The following MCF2L2 variants were observed in gnomAD, a reference collection of about 807,000 sequenced individuals.
MCF2L2 encodes the protein probable guanine nucleotide exchange factor MCF2L2.
In MCF2L2, 102 loss-of-function variants were observed where a neutral mutation model predicts 150.2. The ratio of observed to expected loss-of-function variants is 0.68; its 90% CI spans 0.58 to 0.80. MCF2L2 has a LOEUF of 0.80. Among genes scored for constraint, MCF2L2 ranks in the 30% least tolerant of loss-of-function variants. The pLI is 0.00. For missense variants in MCF2L2, 1,256 were observed against 1,372.8 expected, an observed-to-expected ratio of 0.91 and a Z score of 1.34; for synonymous variants, 465 against 491.3, an observed-to-expected ratio of 0.95 and a Z score of 0.71.
At position 183,321,670 on chromosome 3, in the gene MCF2L2, C is replaced by T. The variant is rs571767711; in HGVS notation, c.603+1565G>A. Among the ~76,000 whole-genome samples, 8 of 152,192 alleles carry T rather than the reference C, an allele frequency of 5.3e-5. No homozygotes were observed. The East Asian group carries it at 5.8e-4, about 11-fold the overall frequency. ...ATGTGAAGCATAATAAAATGAAACA[C>T]GACTGTATGTGTGTGTATAAAAAAT... On this transcript the variant is annotated intron_variant, in intron 6 of 29. Coordinates refer to ENST00000328913, the MANE Select transcript of MCF2L2 (RefSeq NM_015078.4).
Position 183,371,957 on chromosome 3 carries a change from T to C in MCF2L2, c.275+7340A>G, listed in dbSNP as rs141069954. The C allele has an allele frequency of 7.9e-5, 12 of 152,006 alleles. No individual in the cohort carries two copies. The East Asian group carries it at 2.3e-3, about 29-fold the overall frequency. 9.4% of individuals were successfully genotyped at this position (152,006 alleles called of 1,614,324 possible). Reference sequence around the variant, plus strand: ...CTGTCCGTCTTTTTTCCACGAGGAATTCCTTGTGGGCAAATTGTGAGGGAG... The same window carrying C: ...CTGTCCGTCTTTTTTCCACGAGGAACTCCTTGTGGGCAAATTGTGAGGGAG... On this transcript the variant is annotated intron_variant, in intron 3 of 29. Transcript: ENST00000328913.
chr3:183,382,129 G>A (rs750186526), intron 2 of MCF2L2, among the ~76,000 whole-genome samples: 28 of 151,866 alleles, frequency 1.8e-4, no homozygotes, highest in South Asian at 2.1e-4. Context: ...TGTGATCTCC[G>A]CTCACTGCAA....
In MCF2L2 at chr3:183,267,116, C is replaced by T. The variant is rs1239782739; in HGVS notation, c.1862+9756G>A. Among the ~76,000 whole-genome samples the T allele has an allele frequency of 1.3e-5, 2 of 152,154 alleles. No homozygotes were observed. Among genetic ancestry groups the T allele is most frequent in the African/African-American group, 4.8e-5 (2 of 41,434 alleles). ...CCTTTGTGATATTAAAGCACAGCAACACATTTCCCATTACACCCCTGAACA... is the reference window on the plus strand; with the variant it reads ...CCTTTGTGATATTAAAGCACAGCAATACATTTCCCATTACACCCCTGAACA... On this transcript the variant is annotated intron_variant, in intron 15 of 29. Coordinates refer to ENST00000328913, the MANE Select transcript of MCF2L2 (RefSeq NM_015078.4). This position sits in a 1 kb window ranked among gnomAD's most constrained non-coding sequence, Gnocchi z 5.5.
In MCF2L2 at chr3:183,291,867, C is replaced by G. The variant is rs1728167005; in HGVS notation, c.1676-2647G>C. Among the ~76,000 whole-genome samples the G allele has an allele frequency of 2.0e-5, 3 of 152,320 alleles. No individual in the cohort carries two copies. The South Asian group carries it at 6.2e-4, about 32-fold the overall frequency. On this transcript the variant is annotated intron_variant, in intron 13 of 29. Coordinates refer to ENST00000328913, the MANE Select transcript of MCF2L2 (RefSeq NM_015078.4). The stretch of plus-strand genomic sequence containing the variant: ...ATCTTGTATTTGAAAAGCTGAGAAA[C>G]AACCCTGTAATTCCTGCTTTATTTA...
intron 3 of MCF2L2, among the ~76,000 whole-genome samples, chr3:183,353,074 AG>A (rs1711571813): frequency 6.6e-6 from 1 of 152,230 alleles, no homozygotes; most frequent in African/African-American, 2.4e-5. Context: ...GCTGGGTGAT[AG>A]AAACATAGGT....
At chr3:183,239,996 G>C (rs1370564377) in intron 15 of MCF2L2, among the ~76,000 whole-genome samples, 1 of 152,152 alleles carries the variant, frequency 6.6e-6, no homozygotes, top group Non-Finnish European at 1.5e-5. Flanking sequence ...CTAAAACACA[G>C]GTGTTGTTTC....
intron 7 of MCF2L2, among the ~76,000 whole-genome samples, chr3:183,312,110 A>C (rs1389931818): frequency 6.6e-6 from 1 of 152,216 alleles, no homozygotes; most frequent in Non-Finnish European, 1.5e-5. Context: ...GACCAGAAAC[A>C]AGAAAATGAT....
chr3:183,372,021 T>G (rs1472371645), intron 3 of MCF2L2: 2 of 126,876 alleles, frequency 1.6e-5, no homozygotes, highest in Admixed American at 1.4e-4. Context: ...GTATATCGTT[T>G]TTTTTTTTTT....
chr3:183,314,265 G>C (rs751556286), intron 7 of MCF2L2, among the ~76,000 whole-genome samples: 3 of 152,168 alleles, frequency 2.0e-5, no homozygotes, highest in Non-Finnish European at 4.4e-5. Context: ...AGCTCAGGCT[G>C]GGGGAAAGAA....
At chr3:183,213,776 A>G (rs1030283202) in intron 22 of MCF2L2, among the ~76,000 whole-genome samples, 4 of 152,200 alleles carry the variant, frequency 2.6e-5, no homozygotes, top group Non-Finnish European at 4.4e-5. Context: ...TCTTCTTTCC[A>G]TGGATCTTCT....
At chr3:183,337,684 C>A (rs1730542294) in intron 5 of MCF2L2, among the ~76,000 whole-genome samples, 1 of 152,120 alleles carries the variant, frequency 6.6e-6, no homozygotes, top group African/African-American at 2.4e-5. Flanking sequence ...AACCAGTCCC[C>A]TATTGTCAAG....
chr3:183,257,427 T>A (rs975571596), intron 15 of MCF2L2, among the ~76,000 whole-genome samples: 1 of 152,226 alleles, frequency 6.6e-6, no homozygotes, highest in South Asian at 2.1e-4. Context: ...ATCCTGCCCA[T>A]GGCCTACTAC....
intron 15 of MCF2L2, among the ~76,000 whole-genome samples, chr3:183,255,472 C>T (rs1235995482): frequency 6.6e-6 from 1 of 152,200 alleles, no homozygotes; most frequent in Non-Finnish European, 1.5e-5. Flanking sequence ...TCCTTATCCT[C>T]CCGCACACGC....
intron 3 of MCF2L2, chr3:183,376,628 G>A (rs1000203548): frequency 6.6e-6 from 1 of 152,194 alleles, no homozygotes. Context: ...ATTGTCTTAG[G>A]GTCCTGGCTG....
At chr3:183,285,979 G>A (rs1418040085) in intron 14 of MCF2L2, among the ~76,000 whole-genome samples, 2 of 152,132 alleles carry the variant, frequency 1.3e-5, no homozygotes, top group Non-Finnish European at 2.9e-5. Context: ...CATCACTATT[G>A]CCAACAAGCA....
At chr3:183,349,981 G>C (rs536733238) in intron 3 of MCF2L2, among the ~76,000 whole-genome samples, 1 of 152,156 alleles carries the variant, frequency 6.6e-6, no homozygotes. Flanking sequence ...ATATTAGATC[G>C]TTTATAAACA....
At chr3:183,316,716 GT>G (rs1250246900) in intron 7 of MCF2L2, among the ~76,000 whole-genome samples, 2 of 147,056 alleles carry the variant, frequency 1.4e-5, no homozygotes, top group Non-Finnish European at 3.0e-5. Flanking sequence ...TGTTGTTTTT[GT>G]TGTTTTGAGA....
intron 20 of MCF2L2, 33 bp from the exon 21 acceptor site, chr3:183,219,957 A>AAATCTACATTTTGATGGC: frequency 6.8e-7 from 1 of 1,480,684 alleles, no homozygotes; most frequent in Non-Finnish European, 9.4e-7. Flanking sequence ...TTGAAAATTA[A>AAATCTACATTTTGATGGC]AATGTACATT....
chr3:183,361,477 A>G (rs902848605), intron 3 of MCF2L2, among the ~76,000 whole-genome samples: 1 of 152,096 alleles, frequency 6.6e-6, no homozygotes, highest in African/African-American at 2.4e-5. Context: ...AGTTCTCATG[A>G]GATCTGATGG....
Sources: gnomAD v4.1 joint callset for allele counts (sites outside exome capture counted in the v4.1 genomes callset) on GRCh38, gnomAD v4.1.1 for gene constraint, Gnocchi (gnomAD v3.1) non-coding constraint, MANE v1.5 for transcripts, NCBI Gene and HGNC (gene_info 2026-07-23, HGNC 2026-07-21) for gene names.